SEMA3E: variants seen among roughly 807,000 people sequenced by gnomAD.
SEMA3E encodes the protein semaphorin 3E.
In SEMA3E, 49 loss-of-function variants were observed where a neutral mutation model predicts 93.6. That is an observed-to-expected ratio of 0.52 (90% confidence interval 0.42 to 0.66). SEMA3E has a LOEUF of 0.66. Among genes scored for constraint, SEMA3E ranks in the 30% least tolerant of loss-of-function variants. SEMA3E has a pLI of 0.00. For missense variants in SEMA3E, 906 were observed against 964.8 expected (o/e 0.94, Z 0.81); for synonymous variants, 363 against 330.7 (o/e 1.10, Z -1.06).
intron 1 of SEMA3E, among the ~76,000 whole-genome samples, chr7:83,631,833 C>T (rs893732635): frequency 4.6e-5 from 7 of 152,210 alleles, no homozygotes; most frequent in African/African-American, 1.7e-4. Context: ...CCATAAGCTG[C>T]TGTCAACTCG....
chr7:83,383,336 T>TTCTTATCA (rs1787816427), intron 16 of SEMA3E, among the ~76,000 whole-genome samples: 2 of 151,342 alleles, frequency 1.3e-5, no homozygotes, highest in African/African-American at 4.8e-5. Context: ...AGAAAGTAAT[T>TTCTTATCA]ATGTTTCACA....
At chr7:83,387,317 T>A (rs1467181178) in intron 14 of SEMA3E, among the ~76,000 whole-genome samples, 2 of 151,802 alleles carry the variant, frequency 1.3e-5, no homozygotes, top group East Asian at 3.9e-4. Flanking sequence ...TTCTCTTTAC[T>A]TTTTGTTAAA....
intron 1 of SEMA3E, among the ~76,000 whole-genome samples, chr7:83,515,218 C>G (rs542651201): frequency 1.3e-5 from 2 of 151,278 alleles, no homozygotes; most frequent in African/African-American, 4.9e-5. Flanking sequence ...GCAGAGGCCT[C>G]TCAGGGAAGT....
rs575641802 is a variant in SEMA3E at position 83,384,248 on chromosome 7, T to C, written c.1875+1046A>G. Among the ~76,000 whole-genome samples the C allele has an allele frequency of 1.5e-4, 23 of 152,164 alleles. No individual in the cohort carries two copies. In the South Asian group the frequency reaches 4.8e-3, roughly 32 times the overall value. On this transcript the variant is annotated intron_variant, in intron 16 of 16. Coordinates refer to ENST00000643230, the MANE Select transcript of SEMA3E (RefSeq NM_012431.3). The stretch of plus-strand genomic sequence containing the variant: ...AAAAAGGAATAAAAAGTTCAAAGTG[T>C]TCCGCATTTGGAATCAGTAATTTTG...
Position 83,495,162 on chromosome 7 carries a change from T to G in SEMA3E, c.116-4888A>C, listed in dbSNP as rs114749152. Among the ~76,000 whole-genome samples the G allele has an allele frequency of 5.1e-3, 780 of 152,038 alleles. 12 individuals carry two copies. Among genetic ancestry groups the G allele is most frequent in the African/African-American group, 0.018 (748 of 41,540 alleles). ...CTTTTCATGATTATATAATCATGTT[T>G]AGATGTTCATGATGTTTAGATGTTC... On this transcript the variant is annotated intron_variant, in intron 1 of 16. Transcript: ENST00000643230.
chr7:83,444,331 G>A (rs1562785357), intron 4 of SEMA3E, among the ~76,000 whole-genome samples: 2 of 152,172 alleles, frequency 1.3e-5, no homozygotes. Context: ...GAGTCATGAA[G>A]GAAGCATAGG....
chr7:83,472,223 C>T (rs1789912682), intron 2 of SEMA3E, among the ~76,000 whole-genome samples: 1 of 152,190 alleles, frequency 6.6e-6, no homozygotes. Flanking sequence ...TCCATGCCCC[C>T]ATACCCTCAC....
rs192935472 is a variant in SEMA3E at position 83,632,444 on chromosome 7, T to C, written c.115+15984A>G. Among the ~76,000 whole-genome samples, 433 of 152,248 alleles carry C rather than the reference T, an allele frequency of 2.8e-3. 2 individuals are homozygous for C. The highest frequency in any genetic ancestry group is 5.0e-3 in the Non-Finnish European group (337 of 68,012). On this transcript the variant is annotated intron_variant, in intron 1 of 16. Coordinates refer to ENST00000643230, the MANE Select transcript of SEMA3E (RefSeq NM_012431.3). ...GGAGGTAATTGAATCATGGGGGCAGTCTTCCCCATGCTGTTCTTGTGATAG... is the reference window on the plus strand; with the variant it reads ...GGAGGTAATTGAATCATGGGGGCAGCCTTCCCCATGCTGTTCTTGTGATAG...
At chr7:83,447,139 C>A (rs1461317345) in intron 4 of SEMA3E, among the ~76,000 whole-genome samples, 1 of 152,132 alleles carries the variant, frequency 6.6e-6, no homozygotes, top group Admixed American at 6.5e-5. Flanking sequence ...GGATTTTATT[C>A]TATAAATAAT....
intron 2 of SEMA3E, among the ~76,000 whole-genome samples, chr7:83,481,729 G>C (rs1248761073): frequency 6.6e-6 from 1 of 152,090 alleles, no homozygotes; most frequent in African/African-American, 2.4e-5. Context: ...GAAATGCAGT[G>C]AGTTAAATAA....
At chr7:83,410,776 T>TGACTATTAAAAAAAA (rs1788424069) in intron 5 of SEMA3E, among the ~76,000 whole-genome samples, 3 of 151,772 alleles carry the variant, frequency 2.0e-5, no homozygotes, top group Non-Finnish European at 2.9e-5. Context: ...CTTAAAAAAA[T>TGACTATTAAAAAAAA]TGACTATTAA....
At chr7:83,443,182 TACC>T (rs1290397393) in intron 4 of SEMA3E, among the ~76,000 whole-genome samples, 1 of 152,010 alleles carries the variant, frequency 6.6e-6, no homozygotes, top group East Asian at 1.9e-4. Flanking sequence ...GGTAGTGGAG[TACC>T]TTTGTACAGG....
At chr7:83,537,090 T>C (rs2115747693) in intron 1 of SEMA3E, among the ~76,000 whole-genome samples, 1 of 151,988 alleles carries the variant, frequency 6.6e-6, no homozygotes, top group Non-Finnish European at 1.5e-5. Context: ...TCTCTCTTCC[T>C]CTCTTCCCTA....
At chr7:83,574,277 T>A (rs140961847) in intron 1 of SEMA3E, among the ~76,000 whole-genome samples, 3 of 152,268 alleles carry the variant, frequency 2.0e-5, no homozygotes, top group South Asian at 2.1e-4. Flanking sequence ...TTACTAGAGT[T>A]TGGAAAATAT....
chr7:83,511,013 A>C (rs115262699), intron 1 of SEMA3E, among the ~76,000 whole-genome samples: 1 of 152,320 alleles, frequency 6.6e-6, no homozygotes, highest in Admixed American at 6.5e-5. Flanking sequence ...CAGATTTATT[A>C]TAATTAAAAG....
At chr7:83,454,314 T>C (rs1789438577) in intron 4 of SEMA3E, among the ~76,000 whole-genome samples, 1 of 130,510 alleles carries the variant, frequency 7.7e-6, no homozygotes, top group Admixed American at 8.6e-5. Context: ...GTATATATAT[T>C]TGATAAACAA....
At chr7:83,566,163 AT>A (rs1231214789) in intron 1 of SEMA3E, among the ~76,000 whole-genome samples, 14,812 of 128,576 alleles carry the variant, frequency 0.12, 905 homozygotes, top group East Asian at 0.21. Context: ...ACACCTGGCT[AT>A]TTTTTTTTTT....
intron 1 of SEMA3E, among the ~76,000 whole-genome samples, chr7:83,515,035 C>A (rs1790898428): frequency 6.6e-6 from 1 of 152,112 alleles, no homozygotes; most frequent in African/African-American, 2.4e-5. Flanking sequence ...ACCTCTGTTG[C>A]CAGTAGAAAC....
intron 16 of SEMA3E, among the ~76,000 whole-genome samples, chr7:83,375,728 C>T (rs937652378): frequency 3.9e-5 from 6 of 151,986 alleles, no homozygotes; most frequent in African/African-American, 1.4e-4. Flanking sequence ...GACTTAGATC[C>T]ATAACTGATA....
Sources: allele counts gnomAD v4.1 joint callset (sites outside exome capture counted in the v4.1 genomes callset), GRCh38; gene constraint gnomAD v4.1.1; transcripts MANE v1.5; gene names NCBI Gene and HGNC (gene_info 2026-07-23, HGNC 2026-07-21).